Variants in BTBD10 observed in about 807,000 individuals in gnomAD.
BTBD10 encodes the protein BTB domain containing 10, also known as BTB/POZ domain-containing protein 10.
Under a neutral mutation model 53.2 loss-of-function variants are expected in BTBD10, and 21 were observed. The observed-to-expected ratio is 0.39, with a 90% CI of 0.28 to 0.57. The LOEUF (loss-of-function observed/expected upper bound fraction) is 0.57, where lower values mean the gene tolerates loss of function less well. Among genes scored for constraint, BTBD10 ranks in the 20% least tolerant of loss-of-function variants. The pLI is 0.53. For synonymous variants in BTBD10, 149 were observed against 192.7 expected, an observed-to-expected ratio of 0.77 and a Z score of 1.88; for missense variants, 360 against 594.7, an observed-to-expected ratio of 0.61 and a Z score of 4.10.
chr11:13,429,152 A>T (rs7130697), intron 2 of BTBD10, among the ~76,000 whole-genome samples: 23,943 of 152,030 alleles, frequency 0.16, 2,075 homozygotes, highest in Admixed American at 0.24. Flanking sequence ...ATTATAAAAC[A>T]TTACTGAAAT....
intron 8 of BTBD10, among the ~76,000 whole-genome samples, chr11:13,393,397 A>G (rs1949456448): frequency 6.6e-6 from 1 of 152,192 alleles, no homozygotes; most frequent in South Asian, 2.1e-4. Flanking sequence ...ACTCTTTTTA[A>G]GGGACTTGGG....
At chr11:13,409,506 T>C (rs184456115) in intron 6 of BTBD10, among the ~76,000 whole-genome samples, 1 of 152,302 alleles carries the variant, frequency 6.6e-6, no homozygotes, top group Non-Finnish European at 1.5e-5. Flanking sequence ...TCTTTACCTC[T>C]CAGGCCTTAT....
intron 2 of BTBD10, among the ~76,000 whole-genome samples, chr11:13,434,263 C>G (rs1212057963): frequency 6.6e-6 from 1 of 151,960 alleles, no homozygotes; most frequent in African/African-American, 2.4e-5. Flanking sequence ...CATGAAGACC[C>G]AGATACTAAC....
At chr11:13,390,755 G>A (rs17452492) in intron 8 of BTBD10, among the ~76,000 whole-genome samples, 23,985 of 152,168 alleles carry the variant, frequency 0.16, 2,075 homozygotes, top group Admixed American at 0.24. Flanking sequence ...ACATAGTAGG[G>A]GATCAATTAA....
At position 13,388,187 on chromosome 11, in the gene BTBD10, C is replaced by T. The variant is rs1358383898; in HGVS notation, c.*644G>A. 1 of 152,534 alleles carries T rather than the reference C, an allele frequency of 6.6e-6. No individual in the cohort carries two copies. The highest frequency in any genetic ancestry group is 1.5e-5 in the Non-Finnish European group (1 of 68,034). 9.4% of individuals were successfully genotyped at this position (152,534 alleles called of 1,614,324 possible). A position where few individuals can be genotyped will look rare whatever the true frequency, so the allele number is the denominator to read the frequency against. On this transcript the variant is annotated 3_prime_UTR_variant, in exon 9 of 9. Coordinates refer to ENST00000278174, the MANE Select transcript of BTBD10 (RefSeq NM_032320.7). ...AGGGTAAGGCAGACTGGATAATAAA[C>T]CACCTCTGACATTCACACTCCCTGC...
chr11:13,421,127 C>T (rs1039386743), intron 3 of BTBD10, among the ~76,000 whole-genome samples: 1 of 152,110 alleles, frequency 6.6e-6, no homozygotes, highest in African/African-American at 2.4e-5. Flanking sequence ...ACCTGGGGTA[C>T]TAATGTTCAT....
At chr11:13,459,929 A>G (rs926754532) in intron 1 of BTBD10, among the ~76,000 whole-genome samples, 2 of 152,244 alleles carry the variant, frequency 1.3e-5, no homozygotes, top group African/African-American at 4.8e-5. Context: ...TTTATGAGTC[A>G]TGGTAGAAAC....
intron 6 of BTBD10, among the ~76,000 whole-genome samples, chr11:13,407,432 C>T (rs139166645): frequency 9.2e-5 from 14 of 152,202 alleles, no homozygotes; most frequent in South Asian, 6.2e-4. Flanking sequence ...ACTCTCTCCA[C>T]GGTATTTTTC....
intron 4 of BTBD10, among the ~76,000 whole-genome samples, chr11:13,418,675 A>G (rs1355035085): frequency 6.6e-6 from 1 of 152,186 alleles, no homozygotes; most frequent in Non-Finnish European, 1.5e-5. Context: ...GACAATGATA[A>G]ATCACACATA....
intron 1 of BTBD10, among the ~76,000 whole-genome samples, chr11:13,453,953 G>T (rs956623883): frequency 1.3e-4 from 20 of 152,250 alleles, no homozygotes; most frequent in East Asian, 3.9e-4. Context: ...TCAGGAAGCT[G>T]AGGCAGAAGA....
rs548360353 is a variant in BTBD10, at chr11:13,426,863, A to T, written c.102-5025T>A. The stretch of plus-strand genomic sequence containing the variant: ...AACGGAAAATAAATAACAGGACAAG[A>T]CTTAACCTTAACCATGTCAATAATC... On this transcript the variant is annotated intron_variant, in intron 2 of 8. Coordinates refer to ENST00000278174, the MANE Select transcript of BTBD10 (RefSeq NM_032320.7). Among the ~76,000 whole-genome samples the T allele has an allele frequency of 5.3e-5, 8 of 152,290 alleles. No homozygotes were observed. The South Asian group carries it at 6.2e-4, about 12-fold the overall frequency.
intron 8 of BTBD10, among the ~76,000 whole-genome samples, chr11:13,395,906 T>G (rs1949537357): frequency 1.3e-5 from 2 of 152,214 alleles, no homozygotes; most frequent in South Asian, 4.1e-4. Flanking sequence ...GTATCTCTGT[T>G]TTGGTACCAG....
rs182763297 is a variant in BTBD10 at position 13,454,528 on chromosome 11, A to G, written c.-58+8564T>C. Among the ~76,000 whole-genome samples the G allele has an allele frequency of 6.6e-5, 10 of 152,276 alleles. No individual in the cohort carries two copies. The East Asian group carries it at 1.9e-3, about 29-fold the overall frequency. ...TTTATTCAGGATATTTTTATAACCAATTGAATTGTAAGTATCTAATTTCAC... is the reference window on the plus strand; with the variant it reads ...TTTATTCAGGATATTTTTATAACCAGTTGAATTGTAAGTATCTAATTTCAC... On this transcript the variant is annotated intron_variant, in intron 1 of 8. Transcript: ENST00000278174.
chr11:13,460,460 C>G (rs1235719497), intron 1 of BTBD10, among the ~76,000 whole-genome samples: 1 of 152,164 alleles, frequency 6.6e-6, no homozygotes, highest in Non-Finnish European at 1.5e-5. Context: ...AGGTATGAAT[C>G]AGATTATGTG....
At chr11:13,434,155 T>C (rs1267486465) in intron 2 of BTBD10, among the ~76,000 whole-genome samples, 2 of 152,226 alleles carry the variant, frequency 1.3e-5, no homozygotes, top group Non-Finnish European at 2.9e-5. Context: ...GTTTTAATAC[T>C]ATTTCTAAAT....
intron 4 of BTBD10, among the ~76,000 whole-genome samples, chr11:13,418,149 A>T (rs1302525571): frequency 6.6e-6 from 1 of 151,248 alleles, no homozygotes; most frequent in Admixed American, 6.6e-5. Flanking sequence ...AACACAGAAA[A>T]CTATGAACAA....
In BTBD10 at chr11:13,419,487, G is replaced by C; in HGVS notation, c.557C>G (p.Thr186Ser). 1 of 1,613,410 alleles carries C rather than the reference G, an allele frequency of 6.2e-7. No individual in the cohort carries two copies. Among genetic ancestry groups the C allele is most frequent in the Non-Finnish European group, 8.5e-7 (1 of 1,179,738 alleles). Residue 186 changes from threonine to serine, a missense_variant, in exon 4 of 9, where the codon ACT (threonine) becomes AGT (serine). Thr to Ser is a moderately conservative substitution (Grantham distance 58, BLOSUM62 1). Coordinates refer to ENST00000278174, the MANE Select transcript of BTBD10 (RefSeq NM_032320.7). ...TRFVVDPSIF[T>S]AQPNTMLGRM... Reference sequence around the variant, plus strand: ...GCCCAACATTGTATTTGGCTGTGCAGTAAAAATGGATGGGTCTACAACAAA... The same window carrying C: ...GCCCAACATTGTATTTGGCTGTGCACTAAAAATGGATGGGTCTACAACAAA...
At chr11:13,404,136 C>T (rs1161715316) in intron 7 of BTBD10, among the ~76,000 whole-genome samples, 1 of 152,130 alleles carries the variant, frequency 6.6e-6, no homozygotes, top group East Asian at 1.9e-4. Context: ...GTGATTATTA[C>T]TACATCCTTA....
chr11:13,429,898 G>A (rs922438464), intron 2 of BTBD10, among the ~76,000 whole-genome samples: 1 of 152,130 alleles, frequency 6.6e-6, no homozygotes. Flanking sequence ...GAGCCCAGGA[G>A]TTCAAGACCA....
Sources: gnomAD v4.1 joint callset for allele counts (sites outside exome capture counted in the v4.1 genomes callset) on GRCh38, gnomAD v4.1.1 for gene constraint, MANE v1.5 for transcripts, NCBI Gene and HGNC (gene_info 2026-07-23, HGNC 2026-07-21) for gene names.